Variants in SCAPER observed in about 807,000 individuals in gnomAD.
The protein encoded by SCAPER is S-phase cyclin A associated protein in the ER.
In SCAPER, 98 loss-of-function variants were observed where a neutral mutation model predicts 182.2. The observed-to-expected ratio is 0.54, with a 90% CI of 0.46 to 0.64. The LOEUF (loss-of-function observed/expected upper bound fraction) is 0.64, where lower values mean the gene tolerates loss of function less well. Ranked by LOEUF, SCAPER falls within the 30% of genes least tolerant of loss-of-function variation. The probability of loss-of-function intolerance (pLI) is 0.00; values close to 1 mark genes in which losing one functional copy is unlikely to be tolerated. For synonymous variants in SCAPER, 605 were observed against 564.6 expected (o/e 1.07, Z -1.01); for missense variants, 1,432 against 1,690.0 (o/e 0.85, Z 2.68).
chr15:76,351,593 A>AT (rs1032979520), intron 30 of SCAPER, among the ~76,000 whole-genome samples: 2 of 152,308 alleles, frequency 1.3e-5, no homozygotes, highest in African/African-American at 4.8e-5. Flanking sequence ...GGTGTTGATC[A>AT]TTTTTTTAAA....
chr15:76,871,485 A>T (rs976242993), intron 2 of SCAPER, among the ~76,000 whole-genome samples: 1 of 151,556 alleles, frequency 6.6e-6, no homozygotes, highest in Non-Finnish European at 1.5e-5. Flanking sequence ...TCACCTGGGG[A>T]ATAAGGGCAA....
chr15:76,813,256 C>A (rs79190961), intron 5 of SCAPER, among the ~76,000 whole-genome samples: 2,037 of 29,480 alleles, frequency 0.069, 67 homozygotes, highest in Non-Finnish European at 0.079. Context: ...AAAAAAAAAA[C>A]AACTCAACAA....
chr15:76,711,722 G>A (rs192977064), intron 17 of SCAPER, among the ~76,000 whole-genome samples: 11 of 152,222 alleles, frequency 7.2e-5, no homozygotes, highest in East Asian at 5.8e-4. Context: ...GTTTTTGGCC[G>A]CATAAATGTC....
chr15:76,717,998 T>C (rs1191549755), intron 17 of SCAPER, among the ~76,000 whole-genome samples: 1 of 152,190 alleles, frequency 6.6e-6, no homozygotes. Flanking sequence ...CATGGATCAT[T>C]ATCCAGGATA....
chr15:76,734,860 A>C (rs2061149494), intron 15 of SCAPER, among the ~76,000 whole-genome samples: 1 of 152,014 alleles, frequency 6.6e-6, no homozygotes, highest in South Asian at 2.1e-4. Flanking sequence ...CTGGGCGACA[A>C]AGTGAGATTC....
At chr15:76,518,548 G>T (rs577083992) in intron 23 of SCAPER, among the ~76,000 whole-genome samples, 1 of 152,092 alleles carries the variant, frequency 6.6e-6, no homozygotes, top group South Asian at 2.1e-4. Context: ...GGCAGGGGCA[G>T]GGTTTTCTCA....
rs1477008038 is a variant in SCAPER at position 76,455,589 on chromosome 15, CT to C, written c.3078+15622del. Among the ~76,000 whole-genome samples, 3 of 152,198 alleles carry C rather than the reference CT, an allele frequency of 2.0e-5. No individual in the cohort carries two copies. The East Asian group carries it at 5.8e-4, about 29-fold the overall frequency. On this transcript the variant is annotated intron_variant, in intron 25 of 31. Transcript: ENST00000563290. ...AACTCTTGTGCTCAAGCAATTCTAT[CT>C]CAGCCTTCTGAGAAGCTGGAATTAT...
chr15:76,862,280 CA>C (rs2071940478), intron 3 of SCAPER, 135 bp downstream of exon 3: 2 of 537,902 alleles, frequency 3.7e-6, no homozygotes, highest in Non-Finnish European at 6.5e-6. Flanking sequence ...ATAAAAGCAA[CA>C]AAAAAGTATT....
chr15:76,519,376 C>T (rs1233911825), intron 23 of SCAPER, among the ~76,000 whole-genome samples: 1 of 152,056 alleles, frequency 6.6e-6, no homozygotes, highest in African/African-American at 2.4e-5. Context: ...CACCAGGAGG[C>T]CTTTTTAGCA....
At chr15:76,542,300 A>AT (rs1167730752) in intron 23 of SCAPER, among the ~76,000 whole-genome samples, 1 of 152,088 alleles carries the variant, frequency 6.6e-6, no homozygotes, top group Non-Finnish European at 1.5e-5. Context: ...AGGCAGGCAG[A>AT]TCATTTGAGG....
At position 76,652,369 on chromosome 15, in the gene SCAPER, C is replaced by CATATATAG. The variant is rs1431041058; in HGVS notation, c.2645+13283_2645+13284insCTATATAT. On this transcript the variant is annotated intron_variant, in intron 21 of 31. Coordinates refer to ENST00000563290, the MANE Select transcript of SCAPER (RefSeq NM_020843.4). ...ACACACACACACACACACACACACA[C>CATATATAG]ACATATATATATATATATATATATA... is the stretch of plus-strand genomic sequence containing the variant. 5.8e-4 allele frequency among the ~76,000 whole-genome samples: 8 copies of CATATATAG among 13,702 alleles called. No homozygotes were observed. The East Asian group carries it at 0.019, about 33-fold the overall frequency. The allele number at this position is 13,702 out of a possible 152,430, so 9.0% of individuals were successfully genotyped here.
At chr15:76,771,693 T>C (rs773672620) in intron 10 of SCAPER, 49 bp downstream of exon 10, 1 of 1,406,536 alleles carries the variant, frequency 7.1e-7, no homozygotes, top group South Asian at 1.2e-5. Context: ...GCTTCTTAAA[T>C]ATACTCAGAA....
At chr15:76,751,617 T>C (rs2062088004) in intron 15 of SCAPER, among the ~76,000 whole-genome samples, 1 of 151,598 alleles carries the variant, frequency 6.6e-6, no homozygotes, top group Non-Finnish European at 1.5e-5. Context: ...GCCAAGATAA[T>C]TTAATGGACA....
chr15:76,896,044 A>C (rs1701154821), intron 1 of SCAPER, among the ~76,000 whole-genome samples: 1 of 151,906 alleles, frequency 6.6e-6, no homozygotes, highest in African/African-American at 2.4e-5. Flanking sequence ...TGTCTCAAAA[A>C]AAAAAAAAAA....
intron 22 of SCAPER, among the ~76,000 whole-genome samples, chr15:76,609,761 C>G (rs1263235878): frequency 6.6e-6 from 1 of 152,160 alleles, no homozygotes; most frequent in Non-Finnish European, 1.5e-5. Context: ...GTATATCAGC[C>G]TTTAGTAAAA....
At chr15:76,434,404 T>G in intron 25 of SCAPER, 94 bp from the exon 26 acceptor site, 1 of 910,730 alleles carries the variant, frequency 1.1e-6, no homozygotes, top group South Asian at 1.8e-5. Context: ...ATAAGTAATT[T>G]TGACAATCTA....
At chr15:76,380,787 C>A (rs558979763) in intron 28 of SCAPER, 1 of 152,240 alleles carries the variant, frequency 6.6e-6, no homozygotes, top group Non-Finnish European at 1.5e-5. Context: ...TAAAGCAATT[C>A]TTCTTTCTTT....
intron 8 of SCAPER, among the ~76,000 whole-genome samples, chr15:76,784,490 C>A (rs1274502638): frequency 2.0e-5 from 3 of 152,192 alleles, no homozygotes; most frequent in Non-Finnish European, 4.4e-5. Flanking sequence ...AATGCCATCC[C>A]CATCAAGCTA....
chr15:76,800,410 G>C (rs760549750), intron 6 of SCAPER, 46 bp from the exon 7 acceptor site: 1 of 1,191,714 alleles, frequency 8.4e-7, no homozygotes, highest in Admixed American at 2.0e-5. Context: ...AGAGAAAAGG[G>C]AGAAACAAAT....
Sources: gnomAD v4.1 joint callset for allele counts (sites outside exome capture counted in the v4.1 genomes callset) on GRCh38, gnomAD v4.1.1 for gene constraint, MANE v1.5 for transcripts, NCBI Gene and HGNC (gene_info 2026-07-23, HGNC 2026-07-21) for gene names.